PPP2R2A: variants seen among roughly 807,000 people sequenced by gnomAD.
PPP2R2A encodes protein phosphatase 2 regulatory subunit Balpha, also known as serine/threonine-protein phosphatase 2A 55 kDa regulatory subunit B alpha isoform.
A neutral mutation model predicts 53.2 loss-of-function variants in PPP2R2A; 9 were observed. The observed-to-expected ratio is 0.17, with a 90% confidence interval of 0.10 to 0.30. The LOEUF (loss-of-function observed/expected upper bound fraction) is 0.30, where lower values mean the gene tolerates loss of function less well. PPP2R2A is among the 10% of genes least tolerant of loss of function. PPP2R2A has a pLI of 1.00. For synonymous variants in PPP2R2A, 169 were observed against 174.2 expected (o/e 0.97, Z 0.23); for missense variants, 235 against 534.6 (o/e 0.44, Z 5.53).
At chr8:26,364,652 AACAT>A (rs1805274737) in intron 8 of PPP2R2A, among the ~76,000 whole-genome samples, 1 of 152,242 alleles carries the variant, frequency 6.6e-6, no homozygotes, top group Admixed American at 6.5e-5. Context: ...TCCTCTGACA[AACAT>A]AAACGAAGAT....
At chr8:26,345,654 T>C (rs1804174317) in intron 3 of PPP2R2A, among the ~76,000 whole-genome samples, 2 of 152,238 alleles carry the variant, frequency 1.3e-5, no homozygotes, top group South Asian at 4.1e-4. Flanking sequence ...CTAGATTGTT[T>C]ATTTCTGCCT....
At chr8:26,310,668 CTT>C (rs79086645) in intron 2 of PPP2R2A, among the ~76,000 whole-genome samples, 9 of 46,874 alleles carry the variant, frequency 1.9e-4, no homozygotes, top group Admixed American at 3.6e-4. Flanking sequence ...TTTTTTTTTC[CTT>C]TTTTTTTTTT....
intron 3 of PPP2R2A, among the ~76,000 whole-genome samples, chr8:26,350,424 G>A (rs1433381012): frequency 2.6e-5 from 4 of 152,102 alleles, no homozygotes; most frequent in African/African-American, 9.7e-5. Context: ...TTGAGACAGG[G>A]TGTTTCTTTG....
intron 2 of PPP2R2A, among the ~76,000 whole-genome samples, chr8:26,314,741 CTT>C (rs769530405): frequency 1.1e-4 from 17 of 152,020 alleles, no homozygotes; most frequent in Non-Finnish European, 2.4e-4. Flanking sequence ...TGGTGTGGGT[CTT>C]TTTCATTAAT....
rs534438241 is a variant in PPP2R2A at position 26,293,304 on chromosome 8, CT to C, written c.8-360del. ...TCATGGTAGTTTAACCTTATTAACTCTTCTGCAGGCTTTTTGTACACTTAAG... is the reference window on the plus strand; with the variant it reads ...TCATGGTAGTTTAACCTTATTAACTCTCTGCAGGCTTTTTGTACACTTAAG... On this transcript the variant is annotated intron_variant, in intron 1 of 9. Coordinates refer to ENST00000380737, the MANE Select transcript of PPP2R2A (RefSeq NM_002717.4). 505 of 1,513,924 alleles carry C rather than the reference CT, an allele frequency of 3.3e-4. 2 individuals are homozygous for C. The African/African-American group carries it at 4.3e-3, about 13-fold the overall frequency. The allele number at this position is 1,513,924 out of a possible 1,614,324, so 93.8% of individuals were successfully genotyped here. A position where few individuals can be genotyped will look rare whatever the true frequency, so the allele number is the denominator to read the frequency against.
rs1015360951 is a variant in PPP2R2A at position 26,293,176 on chromosome 8, G to C, written c.8-490G>C. ...GCTGGTAATGAATGCAAAGAAATGG[G>C]TGTAGTGTTTGCTGTGTGTGCACTT... On this transcript the variant is annotated intron_variant, in intron 1 of 9. Coordinates refer to ENST00000380737, the MANE Select transcript of PPP2R2A (RefSeq NM_002717.4). 2.8e-6 allele frequency: 4 copies of C among 1,454,342 alleles called. No homozygotes were observed. In the African/African-American group the frequency reaches 5.6e-5, roughly 20 times the overall value. 90.1% of individuals were successfully genotyped at this position (1,454,342 alleles called of 1,614,324 possible). A position where few individuals can be genotyped will look rare whatever the true frequency, so the allele number is the denominator to read the frequency against.
At chr8:26,332,264 G>T (rs1235908403) in intron 2 of PPP2R2A, among the ~76,000 whole-genome samples, 2 of 151,664 alleles carry the variant, frequency 1.3e-5, no homozygotes, top group African/African-American at 4.8e-5. Context: ...AGAGGCTGAG[G>T]CAGGGAGAAT....
chr8:26,348,877 G>T (rs1804352531), intron 3 of PPP2R2A, among the ~76,000 whole-genome samples: 1 of 152,080 alleles, frequency 6.6e-6, no homozygotes, highest in African/African-American at 2.4e-5. Flanking sequence ...GTTTTCTCAG[G>T]GATTTTTGTT....
intron 2 of PPP2R2A, among the ~76,000 whole-genome samples, chr8:26,308,647 A>C (rs562051520): frequency 3.9e-5 from 6 of 152,272 alleles, no homozygotes; most frequent in African/African-American, 1.2e-4. Context: ...TACTTCCTAC[A>C]TGGAAGTCTT....
chr8:26,317,873 G>A (rs1163612742), intron 2 of PPP2R2A, among the ~76,000 whole-genome samples: 7 of 152,200 alleles, frequency 4.6e-5, no homozygotes, highest in Non-Finnish European at 1.0e-4. Flanking sequence ...CAGGGTCTAG[G>A]TGTATTGCTC....
intron 4 of PPP2R2A, among the ~76,000 whole-genome samples, chr8:26,357,134 G>A (rs1485240595): frequency 2.0e-5 from 3 of 152,138 alleles, no homozygotes; most frequent in Admixed American, 1.3e-4. Context: ...GGAAAAGGAT[G>A]GGAGGAGTAG....
rs1215356375 is a variant in PPP2R2A at position 26,362,940 on chromosome 8, A to G, written c.802+92A>G. On this transcript the variant is annotated intron_variant, in intron 7 of 9. Transcript: ENST00000380737. The surrounding 1 kb of genome is among the most constrained non-coding windows in gnomAD (Gnocchi z 4.4). ...TGATAAGTACAATTACAGAGGTTCA[A>G]AGTCTTAAACCCGTGTGTCCAGAGC... is the stretch of plus-strand genomic sequence containing the variant. 7.7e-7 allele frequency: 1 copy of G among 1,299,808 alleles called. No individual in the cohort carries two copies. Among genetic ancestry groups the G allele is most frequent in the Non-Finnish European group, 1.1e-6 (1 of 935,990 alleles). The allele number at this position is 1,299,808 out of a possible 1,614,324, so 80.5% of individuals were successfully genotyped here.
At chr8:26,332,868 T>C (rs1381963255) in intron 2 of PPP2R2A, among the ~76,000 whole-genome samples, 1 of 152,236 alleles carries the variant, frequency 6.6e-6, no homozygotes, top group African/African-American at 2.4e-5. Flanking sequence ...TTTTTCATCA[T>C]CCAGAGATTT....
intron 3 of PPP2R2A, among the ~76,000 whole-genome samples, chr8:26,347,097 G>A (rs1334863852): frequency 6.6e-6 from 1 of 151,924 alleles, no homozygotes; most frequent in East Asian, 1.9e-4. Flanking sequence ...TTTAACACAT[G>A]AAGAAAACGT....
intron 2 of PPP2R2A, among the ~76,000 whole-genome samples, chr8:26,326,808 CT>C (rs1803110429): frequency 6.6e-6 from 1 of 152,158 alleles, no homozygotes; most frequent in African/African-American, 2.4e-5. Context: ...AAGATGATAA[CT>C]AACTTTAAGT....
intron 2 of PPP2R2A, among the ~76,000 whole-genome samples, chr8:26,326,408 T>TA (rs1803089674): frequency 6.6e-6 from 1 of 152,228 alleles, no homozygotes. Context: ...TTTTGTAACA[T>TA]ACCTTAAAGA....
At chr8:26,323,688 G>GCAGGAGCTTCCATT (rs1381361496) in intron 2 of PPP2R2A, among the ~76,000 whole-genome samples, 10 of 152,214 alleles carry the variant, frequency 6.6e-5, no homozygotes, top group Non-Finnish European at 1.0e-4. Context: ...GGTCCTGAAT[G>GCAGGAGCTTCCATT]CAGGAGCTTC....
At chr8:26,317,492 A>G (rs1286921087) in intron 2 of PPP2R2A, among the ~76,000 whole-genome samples, 1 of 152,194 alleles carries the variant, frequency 6.6e-6, no homozygotes, top group Non-Finnish European at 1.5e-5. Context: ...AGTATCTGGC[A>G]TTTAGTGGGC....
chr8:26,363,601 AT>A, intron 7 of PPP2R2A, 119 bp from the exon 8 acceptor site: 1 of 860,514 alleles, frequency 1.2e-6, no homozygotes, highest in Non-Finnish European at 1.6e-6. Context: ...TCAGTTCTTT[AT>A]TAGCCTGGCA....
Sources: allele counts gnomAD v4.1 joint callset (sites outside exome capture counted in the v4.1 genomes callset), GRCh38; gene constraint gnomAD v4.1.1; non-coding constraint Gnocchi (gnomAD v3.1); transcripts MANE v1.5; gene names NCBI Gene and HGNC (gene_info 2026-07-23, HGNC 2026-07-21).